HMGCL: variants seen among roughly 807,000 people sequenced by gnomAD.
HMGCL encodes hydroxymethylglutaryl-CoA lyase, mitochondrial.
HMGCL carries 26 observed loss-of-function variants against 37.3 expected under a neutral mutation model. That is an observed-to-expected ratio of 0.70 (90% confidence interval 0.51 to 0.97). HMGCL has a LOEUF of 0.97. HMGCL is among the 50% of genes least tolerant of loss of function. The probability of loss-of-function intolerance (pLI) is 0.00; values close to 1 mark genes in which losing one functional copy is unlikely to be tolerated. For synonymous variants in HMGCL, 151 were observed against 148.0 expected (o/e 1.02, Z -0.15); for missense variants, 379 against 398.1 (o/e 0.95, Z 0.41).
At chr1:23,814,489 GCCTC>G in intron 4 of HMGCL, 151 bp from the exon 5 acceptor site, 1 of 878,292 alleles carries the variant, frequency 1.1e-6, no homozygotes, top group Non-Finnish European at 1.8e-6. Context: ...TCCTGCCTCA[GCCTC>G]CTGAGTAGCT....
chr1:23,813,848 T>C, intron 5 of HMGCL: 1 of 371,584 alleles, frequency 2.7e-6, no homozygotes, highest in South Asian at 2.3e-5. Context: ...TGTCCTGTCC[T>C]GCTAGATTCC....
intron 5 of HMGCL, chr1:23,813,958 A>C (rs1358384633): frequency 3.6e-6 from 2 of 559,750 alleles, no homozygotes; most frequent in Non-Finnish European, 3.2e-6. Context: ...CTAGGACTAC[A>C]GGCGCATGCT....
intron 1 of HMGCL, among the ~76,000 whole-genome samples, chr1:23,822,118 C>G (rs1363943509): frequency 2.0e-5 from 3 of 152,196 alleles, no homozygotes; most frequent in Non-Finnish European, 2.9e-5. Context: ...AAAGTAGCCA[C>G]TCTTTAAAGT....
At chr1:23,810,539 C>A in intron 6 of HMGCL, 197 bp downstream of exon 6, 1 of 605,720 alleles carries the variant, frequency 1.7e-6, no homozygotes. Flanking sequence ...GCTTCAAGGA[C>A]TACATGTTCG....
At chr1:23,812,735 G>A (rs1013091154) in intron 5 of HMGCL, among the ~76,000 whole-genome samples, 2 of 152,148 alleles carry the variant, frequency 1.3e-5, no homozygotes, top group Non-Finnish European at 2.9e-5. Context: ...GAGGAAGCAG[G>A]GGCCAGAAGG....
In HMGCL at chr1:23,805,880, T is replaced by A. The variant is rs184068860; in HGVS notation, c.751-1355A>T. ...CTCCTTGCCATGTCTCTCACCTGGA[T>A]TGCTGTAGGCTCCAAACTGGTTCTT... is the stretch of plus-strand genomic sequence containing the variant. On this transcript the variant is annotated intron_variant, in intron 7 of 8. Transcript: ENST00000374490. 1.4e-4 allele frequency among the ~76,000 whole-genome samples: 21 copies of A among 151,904 alleles called. No homozygotes were observed. In the East Asian group the frequency reaches 3.9e-3, roughly 28 times the overall value.
intron 7 of HMGCL, among the ~76,000 whole-genome samples, 175 bp from the exon 8 acceptor site, chr1:23,804,700 A>C (rs183601615): frequency 1.3e-5 from 2 of 152,256 alleles, no homozygotes; most frequent in Admixed American, 1.3e-4. Flanking sequence ...TTCTCCTTTT[A>C]GTTTCTGTTA....
intron 6 of HMGCL, 151 bp from the exon 7 acceptor site, chr1:23,808,474 G>A: frequency 1.4e-6 from 1 of 729,250 alleles, no homozygotes; most frequent in Non-Finnish European, 2.5e-6. Flanking sequence ...CACTCCAACT[G>A]GGAATGATGA....
chr1:23,813,173 A>G (rs1638551250), intron 5 of HMGCL, among the ~76,000 whole-genome samples: 1 of 148,112 alleles, frequency 6.8e-6, no homozygotes, highest in African/African-American at 2.5e-5. Flanking sequence ...TACAGGCATG[A>G]GCCACCATGT....
Position 23,806,986 on chromosome 1 carries a change from G to T in HMGCL, c.750+1149C>A. ...ATCCATATTTCCGAAGTAACTGATG[G>T]AAGAGGGAGGTCAGAGGAAGCTACT... is the stretch of plus-strand genomic sequence containing the variant. On this transcript the variant is annotated intron_variant, in intron 7 of 8. Coordinates refer to ENST00000374490, the MANE Select transcript of HMGCL (RefSeq NM_000191.3). The surrounding 1 kb of genome is among the most constrained non-coding windows in gnomAD (Gnocchi z 4.0). The T allele has an allele frequency of 1.9e-6, 1 of 518,966 alleles. No homozygotes were observed. The highest frequency in any genetic ancestry group is 3.8e-6 in the Non-Finnish European group (1 of 259,872). 32.1% of individuals were successfully genotyped at this position (518,966 alleles called of 1,614,324 possible).
intron 7 of HMGCL, among the ~76,000 whole-genome samples, chr1:23,805,392 G>A (rs1331319640): frequency 6.6e-6 from 1 of 152,126 alleles, no homozygotes; most frequent in Non-Finnish European, 1.5e-5. Context: ...TCAAAGCAAA[G>A]TCCCTCAAAA....
chr1:23,824,597 G>A (rs532262156), intron 1 of HMGCL, among the ~76,000 whole-genome samples: 3 of 152,188 alleles, frequency 2.0e-5, no homozygotes, highest in Admixed American at 6.5e-5. Context: ...TACCACCACC[G>A]ACTGATCACT....
intron 1 of HMGCL, among the ~76,000 whole-genome samples, chr1:23,824,376 C>T (rs1638778476): frequency 6.6e-6 from 1 of 152,180 alleles, no homozygotes; most frequent in Non-Finnish European, 1.5e-5. Context: ...CATCTCATTA[C>T]ACCAAATATT....
At chr1:23,816,061 G>C (rs1013980339) in intron 4 of HMGCL, among the ~76,000 whole-genome samples, 1 of 151,070 alleles carries the variant, frequency 6.6e-6, no homozygotes, top group Admixed American at 6.6e-5. Context: ...AGGACTACAG[G>C]TGCATGCCAT....
chr1:23,810,487 G>A (rs949636534), intron 6 of HMGCL: 2 of 484,794 alleles, frequency 4.1e-6, no homozygotes, highest in African/African-American at 3.9e-5. Flanking sequence ...CGACCAGACT[G>A]GAAACTGAAT....
At chr1:23,814,058 G>A (rs1638570269) in intron 5 of HMGCL, 132 bp downstream of exon 5, 2 of 935,986 alleles carry the variant, frequency 2.1e-6, no homozygotes, top group Non-Finnish European at 3.5e-6. Context: ...TTTGGGAAAA[G>A]ATGTCTAGGT....
rs2148425958 is a variant in HMGCL at position 23,820,666 on chromosome 1, G to C, written c.61-73C>G. On this transcript the variant is annotated intron_variant, in intron 1 of 8. Coordinates refer to ENST00000374490, the MANE Select transcript of HMGCL (RefSeq NM_000191.3). ...AATTCCCAGGGAGACCAATATGAAAGAATGGATCTATCTTCACTAATAATG... is the reference window on the plus strand; with the variant it reads ...AATTCCCAGGGAGACCAATATGAAACAATGGATCTATCTTCACTAATAATG... 4.3e-6 allele frequency: 4 copies of C among 932,012 alleles called. No homozygotes were observed. In the East Asian group the frequency reaches 9.6e-5, roughly 22 times the overall value. The allele number at this position is 932,012 out of a possible 1,614,324, so 57.7% of individuals were successfully genotyped here.
At chr1:23,817,680 G>A in intron 2 of HMGCL, 97 bp from the exon 3 acceptor site, 1 of 758,112 alleles carries the variant, frequency 1.3e-6, no homozygotes, top group East Asian at 2.5e-5. Flanking sequence ...ATAATTTTTT[G>A]CAGTGGATGC....
chr1:23,811,204 G>C (rs1054900174), intron 5 of HMGCL, among the ~76,000 whole-genome samples: 1 of 152,316 alleles, frequency 6.6e-6, no homozygotes, highest in African/African-American at 2.4e-5. Context: ...CTCAGAACAA[G>C]AGCTGAGTTG....
Sources: allele counts gnomAD v4.1 joint callset (sites outside exome capture counted in the v4.1 genomes callset), GRCh38; gene constraint gnomAD v4.1.1; non-coding constraint Gnocchi (gnomAD v3.1); transcripts MANE v1.5; gene names NCBI Gene and HGNC (gene_info 2026-07-23, HGNC 2026-07-21).